The following TRAK2 variants were observed in gnomAD, a reference collection of about 807,000 sequenced individuals.
TRAK2 encodes the protein trafficking kinesin-binding protein 2.
In TRAK2, 81 loss-of-function variants were observed where a neutral mutation model predicts 104.6. The ratio of observed to expected loss-of-function variants is 0.77; its 90% CI spans 0.65 to 0.93. TRAK2 has a LOEUF of 0.93. TRAK2 is among the 40% of genes least tolerant of loss of function. TRAK2 has a pLI of 0.00. For synonymous variants in TRAK2, 406 were observed against 394.4 expected, an observed-to-expected ratio of 1.03 and a Z score of -0.35; for missense variants, 1,002 against 1,089.0, an observed-to-expected ratio of 0.92 and a Z score of 1.12.
rs1951429919 is a variant in TRAK2 at position 201,389,885 on chromosome 2, G to GA, written c.1114-6dup. 6.2e-7 allele frequency: 1 copy of GA among 1,610,582 alleles called. No homozygotes were observed. Among genetic ancestry groups the GA allele is most frequent in the Non-Finnish European group, 8.5e-7 (1 of 1,178,324 alleles). On this transcript the variant is annotated splice_polypyrimidine_tract_variant and splice_region_variant and intron_variant, in intron 10 of 15. Transcript: ENST00000332624. The stretch of plus-strand genomic sequence containing the variant: ...AATCTCAGCTGCCAAAGATTCCTAA[G>GA]AAAAAGAGTTTGAGATTTCTAAAGT...
rs1244828172 is a variant in TRAK2 at position 201,411,153 on chromosome 2, ATAT to A, written c.92-3559_92-3557del. 7 of 772,124 alleles carry A rather than the reference ATAT, an allele frequency of 9.1e-6. No homozygotes were observed. In the Admixed American group the frequency reaches 1.4e-4, roughly 16 times the overall value. 47.8% of individuals were successfully genotyped at this position (772,124 alleles called of 1,614,324 possible). A position where few individuals can be genotyped will look rare whatever the true frequency, so the allele number is the denominator to read the frequency against. On this transcript the variant is annotated intron_variant, in intron 2 of 15. Transcript: ENST00000332624. ...AACAGAAAGGCTAGTCAAAGATGAC[ATAT>A]TATCCATCAATGTGTCTGTCAAGTC...
intron 11 of TRAK2, 41 bp downstream of exon 11, chr2:201,389,760 A>T (rs747594722): frequency 6.6e-6 from 10 of 1,516,746 alleles, no homozygotes; most frequent in Middle Eastern, 3.5e-4. Context: ...TTTAATTTCT[A>T]TTCCAATGAT....
rs563124855 is a variant in TRAK2, at chr2:201,384,001, G to A, written c.2069+110C>T. 6.5e-5 allele frequency: 48 copies of A among 741,406 alleles called. No homozygotes were observed. The South Asian group carries it at 7.4e-4, about 11-fold the overall frequency. 45.9% of individuals were successfully genotyped at this position (741,406 alleles called of 1,614,324 possible). On this transcript the variant is annotated intron_variant, in intron 15 of 15. Coordinates refer to ENST00000332624, the MANE Select transcript of TRAK2 (RefSeq NM_015049.3). ...AATATTCTAAAGACACATTATCACA[G>A]AACATTAATTAACATTCTGGAAATT...
At position 201,396,549 on chromosome 2, in the gene TRAK2, C is replaced by T. The variant is rs543385494; in HGVS notation, c.769+953G>A. On this transcript the variant is annotated intron_variant, in intron 7 of 15. Coordinates refer to ENST00000332624, the MANE Select transcript of TRAK2 (RefSeq NM_015049.3). ...TATGTGTTTTCCTACAAATAAATAC[C>T]GATGATAAAGCTTAATTTATAAATT... Among the ~76,000 whole-genome samples, 7 of 151,908 alleles carry T rather than the reference C, an allele frequency of 4.6e-5. No individual in the cohort carries two copies. In the East Asian group the frequency reaches 5.8e-4, roughly 13 times the overall value.
Position 201,380,698 on chromosome 2 carries a change from C to T in TRAK2, c.2590G>A (p.Gly864Ser). 1.9e-6 allele frequency: 3 copies of T among 1,614,032 alleles called. No homozygotes were observed. Among genetic ancestry groups the T allele is most frequent in the Non-Finnish European group, 2.5e-6 (3 of 1,179,978 alleles). The change falls in exon 16 of 16, where the codon GGT (glycine) becomes AGT (serine). Residue 864 changes from glycine to serine, a missense_variant. Physicochemically the swap from Gly to Ser is moderately conservative, Grantham distance 56 (BLOSUM62 0). Coordinates refer to ENST00000332624, the MANE Select transcript of TRAK2 (RefSeq NM_015049.3). ...ENGRCQEAEI[G>S]PQKPDSAVYL... is the part of the protein sequence containing the mutation. Reference sequence around the variant, plus strand: ...ACAGCAGAATCTGGTTTTTGAGGACCAATTTCTGCCTCCTGGCATCTTCCA... The same window carrying T: ...ACAGCAGAATCTGGTTTTTGAGGACTAATTTCTGCCTCCTGGCATCTTCCA...
At chr2:201,404,391 G>C (rs1434614982) in intron 3 of TRAK2, among the ~76,000 whole-genome samples, 2 of 152,140 alleles carry the variant, frequency 1.3e-5, no homozygotes, top group Admixed American at 6.5e-5. Flanking sequence ...GGAGACGATA[G>C]ATATTTTTAC....
intron 11 of TRAK2, 103 bp from the exon 12 acceptor site, chr2:201,389,606 G>A (rs1450135377): frequency 8.5e-7 from 1 of 1,178,382 alleles, no homozygotes; most frequent in African/African-American, 1.5e-5. Context: ...ACCCTGAGGA[G>A]CTATTTAGGA....
chr2:201,393,131 T>C (rs1951463297), intron 9 of TRAK2, 85 bp from the exon 10 acceptor site: 2 of 1,413,008 alleles, frequency 1.4e-6, no homozygotes, highest in Non-Finnish European at 9.5e-7. Flanking sequence ...GGGATAAGTA[T>C]TGATTTTACC....
intron 3 of TRAK2, among the ~76,000 whole-genome samples, chr2:201,401,396 C>T (rs1046421333): frequency 6.6e-6 from 1 of 152,102 alleles, no homozygotes; most frequent in Middle Eastern, 3.4e-3. Context: ...TGGCCACTCA[C>T]TTATGAGAAT....
In TRAK2 at chr2:201,398,330, A is replaced by G. The variant is rs370531021; in HGVS notation, c.505T>C (p.Cys169Arg). The G allele has an allele frequency of 1.8e-5, 29 of 1,613,474 alleles. No individual in the cohort carries two copies. The highest frequency in any genetic ancestry group is 2.4e-5 in the Non-Finnish European group (28 of 1,179,622). Residue 169 changes from cysteine to arginine, a missense_variant, in exon 6 of 16, where the codon TGC becomes CGC. Cys to Arg is a radical substitution (Grantham distance 180). Transcript: ENST00000332624. The stretch of plus-strand genomic sequence containing the variant: ...ATTCGAAGTAACTCATCTTTCTTGC[A>G]TAGCTCATGCTGCAGCTGATTAACC... ...DQVNQLQHELCKKDELLRIVS... is the reference protein window; with the variant it reads ...DQVNQLQHELRKKDELLRIVS...
Position 201,384,165 on chromosome 2 carries a change from G to A in TRAK2, c.2015C>T (p.Thr672Ile), listed in dbSNP as rs1321350573. 2.2e-5 allele frequency: 36 copies of A among 1,613,556 alleles called. No individual in the cohort carries two copies. The highest frequency in any genetic ancestry group is 3.0e-5 in the Non-Finnish European group (35 of 1,179,748). Residue 672 changes from threonine to isoleucine, a missense_variant, in exon 15 of 16, where the codon ACT becomes ATT. Transcript: ENST00000332624. ...ATGTAATATTCTACAGGTGGTGAAA[G>A]TGAATGTTGAGTTTGTGCACGACAG... ...KCLSCTNSTF[T>I]FTTCRILHPS...
At chr2:201,442,369 C>A (rs1236624765) in intron 1 of TRAK2, among the ~76,000 whole-genome samples, 1 of 145,302 alleles carries the variant, frequency 6.9e-6, no homozygotes, top group Non-Finnish European at 1.5e-5. Flanking sequence ...CCAGCCTGGG[C>A]GACAGCAAGA....
At position 201,381,053 on chromosome 2, in the gene TRAK2, T is replaced by C. The variant is rs755905705; in HGVS notation, c.2235A>G (p.Leu745=). 6.2e-7 allele frequency: 1 copy of C among 1,614,102 alleles called. No individual in the cohort carries two copies. The highest frequency in any genetic ancestry group is 8.5e-7 in the Non-Finnish European group (1 of 1,179,994). The change falls in exon 16 of 16, where the codon CTA becomes CTG. Residue 745 remains leucine, a synonymous_variant. Coordinates refer to ENST00000332624, the MANE Select transcript of TRAK2 (RefSeq NM_015049.3). The part of the protein sequence containing the change: ...FSSTMSLAKL[L]QERGISAKVY... ...CTTTGGCAGAGATGCCTCGCTCTTG[T>C]AGAAGTTTGGCCAAGCTCATGGTGC...
chr2:201,393,163 G>C, intron 9 of TRAK2, 117 bp from the exon 10 acceptor site: 1 of 947,340 alleles, frequency 1.1e-6, no homozygotes, highest in Non-Finnish European at 1.5e-6. Context: ...CTAACTTTAT[G>C]AATATCATTT....
chr2:201,446,977 CT>C (rs1951969723), intron 1 of TRAK2, among the ~76,000 whole-genome samples: 1 of 152,160 alleles, frequency 6.6e-6, no homozygotes, highest in Non-Finnish European at 1.5e-5. Context: ...TAGCTGTGCC[CT>C]TTATAATGTT....
At chr2:201,407,775 GTTTT>G (rs1249474146) in intron 2 of TRAK2, among the ~76,000 whole-genome samples, 178 bp from the exon 3 acceptor site, 1 of 151,056 alleles carries the variant, frequency 6.6e-6, no homozygotes, top group Admixed American at 6.6e-5. Flanking sequence ...TTTTCTCCAG[GTTTT>G]TTTTCTTTTA....
intron 1 of TRAK2, among the ~76,000 whole-genome samples, chr2:201,422,857 C>A (rs1278513229): frequency 6.6e-6 from 1 of 152,074 alleles, no homozygotes; most frequent in East Asian, 1.9e-4. Flanking sequence ...TCTCCACAGA[C>A]TGGTAAAATT....
At chr2:201,443,554 CT>C (rs1215980599) in intron 1 of TRAK2, among the ~76,000 whole-genome samples, 2 of 152,128 alleles carry the variant, frequency 1.3e-5, no homozygotes, top group African/African-American at 2.4e-5. Context: ...ATTAAATTAT[CT>C]TTTTAGTGTT....
Position 201,395,234 on chromosome 2 carries a change from A to G in TRAK2, c.900+80T>C, listed in dbSNP as rs10209125. 2.7e-3 allele frequency: 3,310 copies of G among 1,239,672 alleles called. 74 individuals carry two copies. In the African/African-American group the frequency reaches 0.041, roughly 15 times the overall value. The allele number at this position is 1,239,672 out of a possible 1,614,324, so 76.8% of individuals were successfully genotyped here. ...GGCAGGGACAATGTTTATTTTGTTT[A>G]TTGTATCTAGCACTTAGCATGGTGC... On this transcript the variant is annotated intron_variant, in intron 8 of 15. Coordinates refer to ENST00000332624, the MANE Select transcript of TRAK2 (RefSeq NM_015049.3).
Sources: allele counts gnomAD v4.1 joint callset (sites outside exome capture counted in the v4.1 genomes callset), GRCh38; gene constraint gnomAD v4.1.1; transcripts MANE v1.5; gene names NCBI Gene and HGNC (gene_info 2026-07-23, HGNC 2026-07-21).